Variants in RNF141 observed in about 807,000 individuals in gnomAD.
RNF141 encodes C3HC4-like zinc finger protein.
In RNF141, 18 loss-of-function variants were observed where a neutral mutation model predicts 27.4. The ratio of observed to expected loss-of-function variants is 0.66; its 90% CI spans 0.45 to 0.97. RNF141 has a LOEUF of 0.97. Ranked by LOEUF, RNF141 falls within the 50% of genes least tolerant of loss-of-function variation. The pLI is 0.00. For missense variants in RNF141, 230 were observed against 279.4 expected, an observed-to-expected ratio of 0.82 and a Z score of 1.26; for synonymous variants, 97 against 96.6, an observed-to-expected ratio of 1.00 and a Z score of -0.02.
chr11:10,519,485 G>A (rs1346902067), intron 4 of RNF141, among the ~76,000 whole-genome samples: 1 of 152,188 alleles, frequency 6.6e-6, no homozygotes, highest in Non-Finnish European at 1.5e-5. Context: ...AACCGATATA[G>A]TTATTGCATT....
At position 10,514,545 on chromosome 11, in the gene RNF141, G is replaced by C. The variant is rs1465658160; in HGVS notation, c.*371C>G. 1 of 160,544 alleles carries C rather than the reference G, an allele frequency of 6.2e-6. No individual in the cohort carries two copies. Among genetic ancestry groups the C allele is most frequent in the Non-Finnish European group, 1.4e-5 (1 of 73,896 alleles). 9.9% of individuals were successfully genotyped at this position (160,544 alleles called of 1,614,324 possible). On this transcript the variant is annotated 3_prime_UTR_variant, in exon 6 of 6. Coordinates refer to ENST00000265981, the MANE Select transcript of RNF141 (RefSeq NM_016422.4). ...ATGGCTACAACTTTTTAATATTCGAGGTTTATTTTATATCTAAGTAAAAAG... is the reference window on the plus strand; with the variant it reads ...ATGGCTACAACTTTTTAATATTCGACGTTTATTTTATATCTAAGTAAAAAG...
chr11:10,537,893 C>T (rs367617165), intron 1 of RNF141, among the ~76,000 whole-genome samples: 9 of 152,358 alleles, frequency 5.9e-5, no homozygotes, highest in Non-Finnish European at 1.2e-4. Flanking sequence ...ATAGAGAGGA[C>T]ATCTTTCACA....
At chr11:10,540,048 T>A (rs1373022947) in intron 1 of RNF141, among the ~76,000 whole-genome samples, 1 of 152,096 alleles carries the variant, frequency 6.6e-6, no homozygotes, top group Non-Finnish European at 1.5e-5. Flanking sequence ...TCCATACTAT[T>A]TTTGAGCTCT....
intron 3 of RNF141, among the ~76,000 whole-genome samples, chr11:10,526,202 A>C (rs1849934582): frequency 6.6e-6 from 1 of 152,224 alleles, no homozygotes; most frequent in African/African-American, 2.4e-5. Context: ...GGAAGAAGTA[A>C]GCCATGAAAT....
intron 4 of RNF141, among the ~76,000 whole-genome samples, chr11:10,521,419 T>A (rs1411818988): frequency 1.3e-5 from 2 of 152,234 alleles, no homozygotes; most frequent in African/African-American, 4.8e-5. Context: ...TTTTTTGTAA[T>A]TTTTAAGGTT....
At position 10,532,526 on chromosome 11, in the gene RNF141, CA is replaced by C. The variant is rs1591500558; in HGVS notation, c.143+1489del. ...ACACACACACACACACACACACACA[CA>C]CACACACACACCCCACAACTATATA... On this transcript the variant is annotated intron_variant, in intron 2 of 5. Transcript: ENST00000265981. Among the ~76,000 whole-genome samples, 48 of 145,552 alleles carry C rather than the reference CA, an allele frequency of 3.3e-4. 1 individual carries two copies. Among genetic ancestry groups the C allele is most frequent in the South Asian group, 4.3e-4 (2 of 4,636 alleles).
chr11:10,522,690 G>A (rs1199214279), intron 4 of RNF141, among the ~76,000 whole-genome samples: 1 of 152,144 alleles, frequency 6.6e-6, no homozygotes, highest in African/African-American at 2.4e-5. Flanking sequence ...TTGTTTGGAG[G>A]AATTCCAGAG....
rs932746856 is a variant in RNF141, at chr11:10,512,569, T to A, written c.*2347A>T. ...TCTGTAAGGTAACTCTGTTCACTTT[T>A]CAGAAACATTTTAAAATTAGGTAAT... is the stretch of plus-strand genomic sequence containing the variant. On this transcript the variant is annotated 3_prime_UTR_variant, in exon 6 of 6. Coordinates refer to ENST00000265981, the MANE Select transcript of RNF141 (RefSeq NM_016422.4). 1 of 152,464 alleles carries A rather than the reference T, an allele frequency of 6.6e-6. No homozygotes were observed. Among genetic ancestry groups the A allele is most frequent in the South Asian group, 2.1e-4 (1 of 4,834 alleles). 9.4% of individuals were successfully genotyped at this position (152,464 alleles called of 1,614,324 possible).
intron 1 of RNF141, among the ~76,000 whole-genome samples, chr11:10,535,869 T>C (rs534863603): frequency 1.8e-4 from 28 of 152,378 alleles, no homozygotes; most frequent in African/African-American, 6.7e-4. Context: ...TCCAAACTTA[T>C]GAAAACATCA....
At chr11:10,525,081 G>GAAAAAA in intron 4 of RNF141, 111 bp downstream of exon 4, 2 of 522,180 alleles carry the variant, frequency 3.8e-6, no homozygotes, top group African/African-American at 4.1e-5. Context: ...TACCAACTGA[G>GAAAAAA]AAAAAAAAAA....
At position 10,513,916 on chromosome 11, in the gene RNF141, TCCAC is replaced by T. The variant is rs1187455924; in HGVS notation, c.*996_*999del. On this transcript the variant is annotated 3_prime_UTR_variant, in exon 6 of 6. Coordinates refer to ENST00000265981, the MANE Select transcript of RNF141 (RefSeq NM_016422.4). The stretch of plus-strand genomic sequence containing the variant: ...GTCTCAAACTCCTAACCTCAAATGA[TCCAC>T]CCACCTCGGCCTCCCAAAGTGCTGG... 6.6e-6 allele frequency: 1 copy of T among 152,168 alleles called. No homozygotes were observed. Among genetic ancestry groups the T allele is most frequent in the Non-Finnish European group, 1.5e-5 (1 of 68,060 alleles). The allele number at this position is 152,168 out of a possible 1,614,324, so 9.4% of individuals were successfully genotyped here.
chr11:10,520,032 G>A (rs934685688), intron 4 of RNF141, among the ~76,000 whole-genome samples: 1 of 152,156 alleles, frequency 6.6e-6, no homozygotes, highest in Admixed American at 6.5e-5. Flanking sequence ...TTTGTGTTGG[G>A]CCACATTAAA....
chr11:10,539,700 T>TATATATATAGAGAGAGAGAGAGAGAG (rs1850073338), intron 1 of RNF141, among the ~76,000 whole-genome samples: 2 of 4,012 alleles, frequency 5.0e-4, no homozygotes, highest in African/African-American at 7.6e-4. Flanking sequence ...ACATATATAT[T>TATATATATAGAGAGAGAGAGAGAGAG]AGAGAGAGAA....
rs371158563 is a variant in RNF141 at position 10,519,123 on chromosome 11, A to T, written c.453T>A (p.Asp151Glu). The T allele has an allele frequency of 4.3e-6, 7 of 1,613,748 alleles. No homozygotes were observed. The Admixed American group carries it at 1.2e-4, about 27-fold the overall frequency. Residue 151 changes from aspartate (D) to glutamate (E), a missense_variant, in exon 5 of 6, where the codon GAT becomes GAA. Coordinates refer to ENST00000265981, the MANE Select transcript of RNF141 (RefSeq NM_016422.4). ...CCATACAGATACAACACTCCTCCTC[A>T]TCGGTCAGCTGCTTCACCCTGCAAT... ...LWMGRVKQLT[D>E]EEECCICMDG...
At chr11:10,531,117 C>T (rs1462614223) in intron 2 of RNF141, among the ~76,000 whole-genome samples, 1 of 152,178 alleles carries the variant, frequency 6.6e-6, no homozygotes, top group African/African-American at 2.4e-5. Flanking sequence ...TGGCTCACAC[C>T]TGTAATCCCA....
chr11:10,540,038 T>C (rs1237381313), intron 1 of RNF141, among the ~76,000 whole-genome samples: 1 of 151,992 alleles, frequency 6.6e-6, no homozygotes, highest in Admixed American at 6.6e-5. Flanking sequence ...AGGATAAAAA[T>C]CCATACTATT....
At chr11:10,527,422 A>G (rs970099295) in intron 3 of RNF141, among the ~76,000 whole-genome samples, 3 of 152,240 alleles carry the variant, frequency 2.0e-5, no homozygotes, top group Non-Finnish European at 4.4e-5. Flanking sequence ...TAGGGGGAAG[A>G]TCATTCCAGG....
intron 1 of RNF141, 76 bp from the exon 2 acceptor site, chr11:10,534,281 G>GAAAAACTAGGGAT (rs1850015071): frequency 4.0e-6 from 4 of 1,008,342 alleles, no homozygotes; most frequent in Non-Finnish European, 5.9e-6. Flanking sequence ...AAAACATAAA[G>GAAAAACTAGGGAT]AAAAACTAGG....
At chr11:10,519,357 G>T (rs1416302108) in intron 4 of RNF141, among the ~76,000 whole-genome samples, 1 of 151,946 alleles carries the variant, frequency 6.6e-6, no homozygotes, top group East Asian at 1.9e-4. Flanking sequence ...CATAAAGAAA[G>T]ACTAGATAAA....
Sources: allele counts gnomAD v4.1 joint callset (sites outside exome capture counted in the v4.1 genomes callset), GRCh38; gene constraint gnomAD v4.1.1; transcripts MANE v1.5; gene names NCBI Gene and HGNC (gene_info 2026-07-23, HGNC 2026-07-21).